Variants in GSDME observed in about 807,000 individuals in gnomAD.
The protein encoded by GSDME is gasdermin-E.
GSDME carries 44 observed loss-of-function variants against 47.5 expected under a neutral mutation model. The ratio of observed to expected loss-of-function variants is 0.93; its 90% CI spans 0.73 to 1.19. GSDME has a LOEUF of 1.19. Among genes scored for constraint, GSDME ranks in the 50% most tolerant of loss-of-function variants. The probability of loss-of-function intolerance (pLI) is 0.00; values close to 1 mark genes in which losing one functional copy is unlikely to be tolerated. For missense variants in GSDME, 663 were observed against 604.2 expected (o/e 1.10, Z -1.02); for synonymous variants, 258 against 252.8 (o/e 1.02, Z -0.20).
the GSDME span, among the ~76,000 whole-genome samples, chr7:24,765,897 G>A: frequency 6.6e-6 from 1 of 152,040 alleles, no homozygotes; most frequent in Non-Finnish European, 1.5e-5. Flanking sequence ...GAATCCTAGA[G>A]AGGCAGCCTA....
chr7:24,709,858 G>A (rs1225264332), intron 6 of GSDME, among the ~76,000 whole-genome samples: 2 of 152,170 alleles, frequency 1.3e-5, no homozygotes, highest in African/African-American at 2.4e-5. Flanking sequence ...CAAAACAGAT[G>A]CAGAACGGGT....
chr7:24,706,187 C>A lies in GSDME; in HGVS notation c.1180G>T (p.Ala394Ser). 1.2e-6 allele frequency: 2 copies of A among 1,614,216 alleles called. No homozygotes were observed. Among genetic ancestry groups the A allele is most frequent in the Non-Finnish European group, 1.7e-6 (2 of 1,180,048 alleles). Residue 394 changes from alanine (A) to serine (S), a missense_variant, in exon 8 of 10, where the codon GCA (alanine) becomes TCA (serine). By Grantham distance (99) the Ala-to-Ser change is moderately conservative. Transcript: ENST00000645220. ...TTTCATTTTCTTTTCTCCTTACCTGCGAGGGCACTGACCAAGAAGTAGGCT... is the reference window on the plus strand; with the variant it reads ...TTTCATTTTCTTTTCTCCTTACCTGAGAGGGCACTGACCAAGAAGTAGGCT... ...MTAYFLVSALAEMPDSAAALL... is the reference protein window; with the variant it reads ...MTAYFLVSALSEMPDSAAALL...
chr7:24,767,150 C>A, the GSDME span, among the ~76,000 whole-genome samples: 14 of 152,216 alleles, frequency 9.2e-5, no homozygotes, highest in East Asian at 2.3e-3. The surrounding 1 kb of genome is among the most constrained non-coding windows in gnomAD (Gnocchi z 5.3). Context: ...GTTGTGAAAC[C>A]CCGTCTCTAC....
the GSDME span, among the ~76,000 whole-genome samples, chr7:24,770,399 C>T: frequency 6.6e-6 from 1 of 152,180 alleles, no homozygotes; most frequent in Non-Finnish European, 1.5e-5. The surrounding 1 kb of genome is among the most constrained non-coding windows in gnomAD (Gnocchi z 4.6). Context: ...TAAGTATAGC[C>T]TTTCCTGAGT....
chr7:24,766,673 T>TG, the GSDME span, among the ~76,000 whole-genome samples: 2 of 152,236 alleles, frequency 1.3e-5, no homozygotes, highest in African/African-American at 4.8e-5. This position sits in a 1 kb window ranked among gnomAD's most constrained non-coding sequence, Gnocchi z 4.2. Flanking sequence ...ATGGTGTATA[T>TG]GTGCCACATT....
chr7:24,720,548 G>A (rs1302651832), intron 3 of GSDME, among the ~76,000 whole-genome samples: 4 of 152,270 alleles, frequency 2.6e-5, no homozygotes, highest in South Asian at 2.1e-4. Context: ...AACAACTCAC[G>A]TGTCCATCAA....
At chr7:24,782,635 T>C in the GSDME span, among the ~76,000 whole-genome samples, 7 of 152,212 alleles carry the variant, frequency 4.6e-5, no homozygotes, top group African/African-American at 1.7e-4. Context: ...CCTTGAGGAA[T>C]TACCACACTG....
intron 3 of GSDME, among the ~76,000 whole-genome samples, chr7:24,743,501 C>T (rs1790552232): frequency 6.6e-6 from 1 of 152,222 alleles, no homozygotes; most frequent in African/African-American, 2.4e-5. Flanking sequence ...AGTCTCTTAA[C>T]TCAGCAGCCA....
chr7:24,752,232 C>A (rs1205282914), intron 1 of GSDME, among the ~76,000 whole-genome samples: 1 of 152,198 alleles, frequency 6.6e-6, no homozygotes, highest in Non-Finnish European at 1.5e-5. Flanking sequence ...ACCACTTTGA[C>A]AGACTGGAAA....
chr7:24,760,664 C>T (rs745755744), upstream of GSDME, among the ~76,000 whole-genome samples: 8 of 152,044 alleles, frequency 5.3e-5, no homozygotes, highest in Non-Finnish European at 1.2e-4. This position sits in a 1 kb window ranked among gnomAD's most constrained non-coding sequence, Gnocchi z 4.2. Context: ...TTGATTGCTT[C>T]CCAGAGGAAC....
chr7:24,789,846 A>G, the GSDME span, among the ~76,000 whole-genome samples: 4 of 152,222 alleles, frequency 2.6e-5, no homozygotes, highest in African/African-American at 7.2e-5. Flanking sequence ...TTCATATAGT[A>G]CACTTGTGCT....
At chr7:24,785,544 C>T in the GSDME span, among the ~76,000 whole-genome samples, 15 of 152,330 alleles carry the variant, frequency 9.8e-5, no homozygotes, top group Middle Eastern at 3.4e-3. Flanking sequence ...CAACCTCCAC[C>T]TCATGGGTTC....
In GSDME at chr7:24,744,406, G is replaced by T. The variant is rs1790582144; in HGVS notation, c.404+156C>A. The stretch of plus-strand genomic sequence containing the variant: ...AACAGTCAAGCAATTCCAGACTAAA[G>T]AATGTGCTCCTCATGAAATTTCAAC... On this transcript the variant is annotated intron_variant, in intron 3 of 9. Transcript: ENST00000645220. The surrounding 1 kb of genome is among the most constrained non-coding windows in gnomAD (Gnocchi z 4.5). The T allele has an allele frequency of 5.9e-6, 5 of 848,072 alleles. No homozygotes were observed. The highest frequency in any genetic ancestry group is 3.2e-4 in the Middle Eastern group (1 of 3,096). 52.5% of individuals were successfully genotyped at this position (848,072 alleles called of 1,614,324 possible).
chr7:24,761,186 C>G (rs1791160824), upstream of GSDME, among the ~76,000 whole-genome samples: 1 of 152,188 alleles, frequency 6.6e-6, no homozygotes, highest in Admixed American at 6.5e-5. This position sits in a 1 kb window ranked among gnomAD's most constrained non-coding sequence, Gnocchi z 4.4. Context: ...TGACTGGGGT[C>G]ACTCAGTGGA....
Position 24,706,245 on chromosome 7 carries a change from G to A in GSDME, c.1122C>T (p.Pro374=), listed in dbSNP as rs138980048. 1,155 of 1,614,072 alleles carry A rather than the reference G, an allele frequency of 7.2e-4. 2 individuals carry two copies. The highest frequency in any genetic ancestry group is 9.1e-4 in the Non-Finnish European group (1,070 of 1,180,046). Residue 374 remains proline (P), a synonymous_variant, in exon 8 of 10, where the codon CCC becomes CCT. Coordinates refer to ENST00000645220, the MANE Select transcript of GSDME (RefSeq NM_001127453.2). The part of the protein sequence containing the change: ...GCSLQGGCPG[P]EDAGSKQLFM... Reference sequence around the variant, plus strand: ...ACAGCTGCTTGCTGCCTGCATCCTCGGGGCCCGGACACCCACCCTGTAAGC... The same window carrying A: ...ACAGCTGCTTGCTGCCTGCATCCTCAGGGCCCGGACACCCACCCTGTAAGC...
the GSDME span, among the ~76,000 whole-genome samples, chr7:24,777,390 T>C: frequency 2.6e-5 from 4 of 152,222 alleles, no homozygotes; most frequent in Admixed American, 1.3e-4. Context: ...GTGTAGGAAA[T>C]GAAGTTTTGG....
At chr7:24,784,352 A>T in the GSDME span, among the ~76,000 whole-genome samples, 1 of 152,196 alleles carries the variant, frequency 6.6e-6, no homozygotes, top group Admixed American at 6.5e-5. Context: ...ACGATAGGCC[A>T]CCTGCAAGCT....
At chr7:24,792,149 T>C in the GSDME span, among the ~76,000 whole-genome samples, 3 of 152,240 alleles carry the variant, frequency 2.0e-5, no homozygotes, top group African/African-American at 7.2e-5. Flanking sequence ...GTATATTTGA[T>C]TCATTCCAAC....
In GSDME at chr7:24,736,941, A is replaced by T. The variant is rs1790325027; in HGVS notation, c.404+7621T>A. On this transcript the variant is annotated intron_variant, in intron 3 of 9. Coordinates refer to ENST00000645220, the MANE Select transcript of GSDME (RefSeq NM_001127453.2). The surrounding 1 kb of genome is among the most constrained non-coding windows in gnomAD (Gnocchi z 4.6). ...AGTGAGTCAATGACGACACTAAGAA[A>T]AATTGAAATTTTATTGAAACAAATG... 6.6e-6 allele frequency among the ~76,000 whole-genome samples: 1 copy of T among 152,204 alleles called. No individual in the cohort carries two copies. Among genetic ancestry groups the T allele is most frequent in the Non-Finnish European group, 1.5e-5 (1 of 68,014 alleles).
Sources: gnomAD v4.1 joint callset for allele counts (sites outside exome capture counted in the v4.1 genomes callset) on GRCh38, gnomAD v4.1.1 for gene constraint, Gnocchi (gnomAD v3.1) non-coding constraint, MANE v1.5 for transcripts, NCBI Gene and HGNC (gene_info 2026-07-23, HGNC 2026-07-21) for gene names.